Variants in AKAP13 observed in about 807,000 individuals in gnomAD.
The protein encoded by AKAP13 is A-kinase anchor protein 13.
AKAP13 carries 80 observed loss-of-function variants against 264.5 expected under a neutral mutation model. The ratio of observed to expected loss-of-function variants is 0.30; its 90% CI spans 0.25 to 0.36. The LOEUF is 0.36. AKAP13 is among the 10% of genes least tolerant of loss of function. The pLI is 1.00. For synonymous variants in AKAP13, 1,380 were observed against 1,250.2 expected (o/e 1.10, Z -2.19); for missense variants, 3,712 against 3,435.2 (o/e 1.08, Z -2.01).
intron 9 of AKAP13, among the ~76,000 whole-genome samples, chr15:85,641,172 C>T (rs1370040799): frequency 1.3e-5 from 2 of 151,932 alleles, no homozygotes; most frequent in African/African-American, 2.4e-5. Flanking sequence ...TTTGGCCGGG[C>T]GAGGTGGCTC....
At chr15:85,626,963 T>C (rs1168408725) in intron 8 of AKAP13, among the ~76,000 whole-genome samples, 2 of 152,204 alleles carry the variant, frequency 1.3e-5, no homozygotes, top group African/African-American at 4.8e-5. Flanking sequence ...ATATGAAGTG[T>C]TATTTCATTG....
intron 14 of AKAP13, among the ~76,000 whole-genome samples, chr15:85,674,817 AATAT>A (rs1047967500): frequency 6.8e-6 from 1 of 146,386 alleles, no homozygotes; most frequent in Non-Finnish European, 1.5e-5. Context: ...AATTTACTGA[AATAT>A]GTATGTGTGT....
intron 14 of AKAP13, chr15:85,677,070 T>C (rs2084266747): frequency 5.1e-6 from 5 of 985,334 alleles, no homozygotes; most frequent in South Asian, 4.7e-5. Context: ...GCTCTTCTTA[T>C]TCGAGTGATG....
chr15:85,449,983 G>C (rs8031413), intron 1 of AKAP13, among the ~76,000 whole-genome samples: 6,554 of 152,140 alleles, frequency 0.043, 452 homozygotes, highest in African/African-American at 0.15. Context: ...AATAGTTTCT[G>C]TAAGAATGGT....
intron 1 of AKAP13, among the ~76,000 whole-genome samples, chr15:85,402,666 AT>A (rs140603181): frequency 1.3e-5 from 2 of 149,720 alleles, no homozygotes; most frequent in East Asian, 2.0e-4. Flanking sequence ...GCTAGCTGCC[AT>A]TTTTTTTTTC....
In AKAP13 at chr15:85,745,657, G is replaced by A. The variant is rs1031369078; in HGVS notation, c.*980G>A. On this transcript the variant is annotated 3_prime_UTR_variant, in exon 37 of 37. Transcript: ENST00000394518. ...ACAGCAGCTGTCTGGCCCTTGCTGGGTGAGGGCACACCACTGCCAGGGGTC... is the reference window on the plus strand; with the variant it reads ...ACAGCAGCTGTCTGGCCCTTGCTGGATGAGGGCACACCACTGCCAGGGGTC... The A allele has an allele frequency of 7.9e-5, 12 of 152,222 alleles. No homozygotes were observed. The highest frequency in any genetic ancestry group is 2.9e-4 in the African/African-American group (12 of 41,456). The allele number at this position is 152,222 out of a possible 1,614,324, so 9.4% of individuals were successfully genotyped here. A position where few individuals can be genotyped will look rare whatever the true frequency, so the allele number is the denominator to read the frequency against.
intron 16 of AKAP13, among the ~76,000 whole-genome samples, chr15:85,692,194 T>C (rs1314190387): frequency 6.6e-6 from 1 of 152,182 alleles, no homozygotes; most frequent in Non-Finnish European, 1.5e-5. Flanking sequence ...TCCTTTCCCT[T>C]ACTGCAAGCA....
chr15:85,570,201 A>C (rs921192583), intron 5 of AKAP13, among the ~76,000 whole-genome samples: 10 of 152,088 alleles, frequency 6.6e-5, no homozygotes, highest in African/African-American at 2.4e-4. Flanking sequence ...CTGTAATCCC[A>C]GCACTTTGGG....
Position 85,581,834 on chromosome 15 carries a change from G to A in AKAP13, c.3766G>A (p.Val1256Met), listed in dbSNP as rs752435400. The A allele has an allele frequency of 6.2e-7, 1 of 1,614,094 alleles. No individual in the cohort carries two copies. The highest frequency in any genetic ancestry group is 1.3e-5 in the African/African-American group (1 of 74,950). The change falls in exon 7 of 37, where the codon GTG becomes ATG. Residue 1256 changes from valine to methionine, a missense_variant. Coordinates refer to ENST00000394518, the MANE Select transcript of AKAP13 (RefSeq NM_007200.5). ...DLIEEAASRIVDAVIEQVKAA... is the reference protein window; with the variant it reads ...DLIEEAASRIMDAVIEQVKAA... ...GATAGAGGAGGCTGCCAGCCGTATA[G>A]TGGATGCTGTCATCGAACAAGTCAA...
chr15:85,415,395 G>A (rs2072193760), intron 1 of AKAP13: 2 of 1,605,716 alleles, frequency 1.2e-6, no homozygotes, highest in African/African-American at 1.3e-5. Context: ...CATAAAAACC[G>A]AGAGCACTTT....
At chr15:85,695,394 A>T (rs999454482) in intron 17 of AKAP13, among the ~76,000 whole-genome samples, 1 of 151,912 alleles carries the variant, frequency 6.6e-6, no homozygotes, top group African/African-American at 2.4e-5. Flanking sequence ...ACAGAGTGAG[A>T]CTCCATCTCA....
intron 1 of AKAP13, among the ~76,000 whole-genome samples, chr15:85,466,141 A>G (rs925254197): frequency 1.7e-4 from 25 of 151,202 alleles, no homozygotes; most frequent in Non-Finnish European, 2.8e-4. Flanking sequence ...TTTGGCTGCA[A>G]AAATGTCTTC....
chr15:85,416,713 T>C (rs979832674), intron 1 of AKAP13, among the ~76,000 whole-genome samples: 5 of 152,240 alleles, frequency 3.3e-5, no homozygotes, highest in Non-Finnish European at 7.3e-5. Flanking sequence ...TCAGAGATAG[T>C]GTTAAGGTCA....
At chr15:85,421,964 A>G (rs2072544236) in intron 1 of AKAP13, among the ~76,000 whole-genome samples, 1 of 152,178 alleles carries the variant, frequency 6.6e-6, no homozygotes, top group African/African-American at 2.4e-5. Context: ...CCTAAAACTC[A>G]CTGCCTGGCA....
chr15:85,633,998 C>T (rs1243589809), intron 8 of AKAP13, among the ~76,000 whole-genome samples: 1 of 152,134 alleles, frequency 6.6e-6, no homozygotes, highest in Non-Finnish European at 1.5e-5. Flanking sequence ...AATCCCAGGG[C>T]ACCTGCTGAA....
chr15:85,405,960 G>T (rs142676156), intron 1 of AKAP13, among the ~76,000 whole-genome samples: 1 of 152,060 alleles, frequency 6.6e-6, no homozygotes, highest in Non-Finnish European at 1.5e-5. Flanking sequence ...CAGACCTGCT[G>T]CTTCAGCTTC....
intron 4 of AKAP13, among the ~76,000 whole-genome samples, chr15:85,537,391 G>C (rs2077436984): frequency 6.6e-6 from 1 of 152,222 alleles, no homozygotes; most frequent in South Asian, 2.1e-4. Context: ...AGGATGTTTA[G>C]AGATATTCTA....
chr15:85,639,221 T>TG (rs1169661839), intron 8 of AKAP13, among the ~76,000 whole-genome samples, 153 bp from the exon 9 acceptor site: 1 of 152,174 alleles, frequency 6.6e-6, no homozygotes, highest in Non-Finnish European at 1.5e-5. Flanking sequence ...GGTAATATTG[T>TG]GAAAAAAAAA....
At position 85,380,608 on chromosome 15, in the gene AKAP13, C is replaced by A. The variant is rs1191014109; in HGVS notation, c.-202C>A. The A allele has an allele frequency of 7.4e-6, 1 of 135,730 alleles. No homozygotes were observed. Among genetic ancestry groups the A allele is most frequent in the Admixed American group, 7.6e-5 (1 of 13,220 alleles). 8.4% of individuals were successfully genotyped at this position (135,730 alleles called of 1,614,324 possible). On this transcript the variant is annotated 5_prime_UTR_variant, in exon 1 of 37. Transcript: ENST00000394518. Reference sequence around the variant, plus strand: ...CGCATGCGCGGACTGGAGCTGTGTGCAGGGCCAGCGCGGAGCCCGAGCAGC... The same window carrying A: ...CGCATGCGCGGACTGGAGCTGTGTGAAGGGCCAGCGCGGAGCCCGAGCAGC...
Sources: gnomAD v4.1 joint callset for allele counts (sites outside exome capture counted in the v4.1 genomes callset) on GRCh38, gnomAD v4.1.1 for gene constraint, MANE v1.5 for transcripts, NCBI Gene and HGNC (gene_info 2026-07-23, HGNC 2026-07-21) for gene names.